SYNPO: variants seen among roughly 807,000 people sequenced by gnomAD.
SYNPO encodes synaptopodin.
SYNPO carries 19 observed loss-of-function variants against 49.5 expected under a neutral mutation model. That is an observed-to-expected ratio of 0.38 (90% confidence interval 0.27 to 0.56). The LOEUF (loss-of-function observed/expected upper bound fraction) is 0.56. SYNPO is among the 20% of genes least tolerant of loss of function. The pLI is 0.68. For synonymous variants in SYNPO, 536 were observed against 548.0 expected, an observed-to-expected ratio of 0.98 and a Z score of 0.31; for missense variants, 1,131 against 1,248.3, an observed-to-expected ratio of 0.91 and a Z score of 1.42.
rs374097978 is a variant in SYNPO, at chr5:150,602,873, T to C, written c.-266+1685T>C. ...TCATTTTAAATGTTCCTAAGAGCGT[T>C]GGTTTTGACTGTCTAGGGCCTGAAG... On this transcript the variant is annotated intron_variant, in intron 1 of 2. Transcript: ENST00000394243. Among the ~76,000 whole-genome samples, 174 of 152,190 alleles carry C rather than the reference T, an allele frequency of 1.1e-3. 3 individuals are homozygous for C. In the East Asian group the frequency reaches 0.015, roughly 13 times the overall value.
chr5:150,609,099 C>T (rs1213556804), intron 1 of SYNPO, among the ~76,000 whole-genome samples: 1 of 152,194 alleles, frequency 6.6e-6, no homozygotes, highest in Admixed American at 6.5e-5. Context: ...TAGCACCTGC[C>T]AGTTTCTGTG....
upstream of SYNPO, chr5:150,640,196 A>G: frequency 1.0e-6 from 1 of 984,312 alleles, no homozygotes; most frequent in Non-Finnish European, 1.2e-6. Context: ...GGTGGTTATT[A>G]AGTGATGCAG....
intron 1 of SYNPO, among the ~76,000 whole-genome samples, chr5:150,601,503 G>A (rs1354062377): frequency 6.6e-6 from 1 of 152,202 alleles, no homozygotes; most frequent in African/African-American, 2.4e-5. Flanking sequence ...GAGGGCTCGG[G>A]GTCATTTGCA....
chr5:150,602,652 G>T (rs570098581), intron 1 of SYNPO, among the ~76,000 whole-genome samples: 3 of 151,842 alleles, frequency 2.0e-5, no homozygotes, highest in African/African-American at 7.3e-5. Context: ...ACAGAGTCTC[G>T]CTCTGTCACC....
chr5:150,626,046 C>G (rs1485544184), intron 2 of SYNPO, among the ~76,000 whole-genome samples: 1 of 152,194 alleles, frequency 6.6e-6, no homozygotes, highest in Admixed American at 6.5e-5. Flanking sequence ...GGGTGCCCTA[C>G]CCCCTGTCCA....
At chr5:150,598,407 C>T (rs980828100), upstream of SYNPO, among the ~76,000 whole-genome samples, 6 of 152,158 alleles carry the variant, frequency 3.9e-5, no homozygotes, top group African/African-American at 1.4e-4. Flanking sequence ...AGGTTATACT[C>T]GTAGGACACA....
In SYNPO at chr5:150,656,835, C is replaced by T. The variant is rs200223915; in HGVS notation, c.2460C>T (p.Phe820=). 1.8e-3 allele frequency: 2,712 copies of T among 1,537,544 alleles called. 74 individuals are homozygous for T. In the Admixed American group the frequency reaches 0.041, roughly 23 times the overall value. Residue 820 remains phenylalanine (F), a synonymous_variant, in exon 3 of 3, where the codon TTC becomes TTT. Coordinates refer to ENST00000307662, the MANE Select transcript of SYNPO (RefSeq NM_007286.6). ...PGSAAVPGAA[F]APIPRSPLPA... is the part of the protein sequence containing the mutation. ...CGGCTGCTGTGCCGGGGGCAGCCTT[C>T]GCGCCCATCCCGCGGAGCCCGTTGC...
rs1222465056 is a variant in SYNPO, at chr5:150,625,765, G to A, written c.400+6998G>A. ...CCCCCCATTACCCCAAGTTATGGGC[G>A]TATTCCGGAAGGTGCCAGGGAACTC... On this transcript the variant is annotated intron_variant, in intron 2 of 2. Coordinates refer to the SYNPO transcript ENST00000394243. Among the ~76,000 whole-genome samples the A allele has an allele frequency of 2.6e-5, 4 of 152,076 alleles. No homozygotes were observed. In the East Asian group the frequency reaches 5.8e-4, roughly 22 times the overall value.
At chr5:150,607,094 G>C (rs1355661304) in intron 1 of SYNPO, among the ~76,000 whole-genome samples, 1 of 152,108 alleles carries the variant, frequency 6.6e-6, no homozygotes, top group East Asian at 1.9e-4. Context: ...AGTCCTTACT[G>C]AGAGTCCTTG....
chr5:150,656,683 G>A lies in SYNPO; in HGVS notation c.2308G>A (p.Ala770Thr), dbSNP rs773092456. ...CATCAATGCGGCCCGGCGCAAGAGCGCCTCCCCGCGGTCGGCGGGCGCCGA... is the reference window on the plus strand; with the variant it reads ...CATCAATGCGGCCCGGCGCAAGAGCACCTCCCCGCGGTCGGCGGGCGCCGA... ...NIINAARRKS[A>T]SPRSAGAENP... Residue 770 changes from alanine to threonine, a missense_variant, in exon 3 of 3, where the codon GCC becomes ACC. Ala to Thr is a moderately conservative substitution (Grantham distance 58). Around this residue, in one of 4 missense-constraint regions of SYNPO, gnomAD observed 509 missense variants for 484.5 expected, o/e 1.05. Coordinates refer to ENST00000307662, the MANE Select transcript of SYNPO (RefSeq NM_007286.6). The A allele has an allele frequency of 6.8e-7, 1 of 1,463,082 alleles. No individual in the cohort carries two copies. The highest frequency in any genetic ancestry group is 2.4e-5 in the Admixed American group (1 of 41,282). 90.6% of individuals were successfully genotyped at this position (1,463,082 alleles called of 1,614,324 possible).
intron 2 of SYNPO, among the ~76,000 whole-genome samples, chr5:150,629,855 C>T (rs1260180641): frequency 1.3e-5 from 2 of 152,074 alleles, no homozygotes; most frequent in Admixed American, 6.6e-5. Flanking sequence ...CTTCCAAGGT[C>T]GCACACCTGG....
intron 2 of SYNPO, among the ~76,000 whole-genome samples, chr5:150,620,439 T>A (rs1757116935): frequency 6.6e-6 from 1 of 152,206 alleles, no homozygotes; most frequent in Non-Finnish European, 1.5e-5. Flanking sequence ...TTATTTTCAT[T>A]ATACAGATGA....
intron 2 of SYNPO, among the ~76,000 whole-genome samples, chr5:150,620,925 C>CT (rs765295756): frequency 7.5e-6 from 1 of 134,178 alleles, no homozygotes; most frequent in African/African-American, 2.9e-5. Flanking sequence ...TTCTTTCTTT[C>CT]TTTCTTTCTT....
At position 150,648,959 on chromosome 5, in the gene SYNPO, A is replaced by C. The variant is rs770214582; in HGVS notation, c.684A>C (p.Thr228=). ...PTKVYSEVHF[T]LAKPPSVVNR... ...AGGTCTACAGTGAGGTCCACTTCAC[A>C]CTGGCCAAGCCCCCATCAGTGGTCA... The change falls in exon 2 of 3, where the codon ACA becomes ACC. Residue 228 remains threonine (T), a synonymous_variant. Transcript: ENST00000307662. The surrounding 1 kb of genome is among the most constrained non-coding windows in gnomAD (Gnocchi z 5.0). 1 of 1,614,214 alleles carries C rather than the reference A, an allele frequency of 6.2e-7. No homozygotes were observed. The highest frequency in any genetic ancestry group is 1.1e-5 in the South Asian group (1 of 91,088).
intron 1 of SYNPO, among the ~76,000 whole-genome samples, chr5:150,603,770 C>T (rs1756615154): frequency 6.6e-6 from 1 of 152,218 alleles, no homozygotes; most frequent in South Asian, 2.1e-4. Flanking sequence ...CTGACCCTGA[C>T]ATGCAGTGTG....
chr5:150,611,408 C>T (rs1254407028), intron 1 of SYNPO, among the ~76,000 whole-genome samples: 2 of 152,232 alleles, frequency 1.3e-5, no homozygotes, highest in Non-Finnish European at 2.9e-5. Flanking sequence ...TGCAGGGACT[C>T]ATCTGAAGTT....
At position 150,650,138 on chromosome 5, in the gene SYNPO, G is replaced by T. The variant is rs61741920; in HGVS notation, c.1863G>T (p.Pro621=). 6.2e-7 allele frequency: 1 copy of T among 1,612,570 alleles called. No homozygotes were observed. Among genetic ancestry groups the T allele is most frequent in the African/African-American group, 1.3e-5 (1 of 74,586 alleles). ...TGCCTCGGCCCTCGCGCTCCTCACC[G>T]GGCCTCTACACCTCCCCCGGCCAGG... ...PALPRPSRSS[P]GLYTSPGQDS... Residue 621 remains proline (P), a synonymous_variant, in exon 2 of 3, where the codon CCG becomes CCT. Transcript: ENST00000307662.
intron 2 of SYNPO, chr5:150,652,232 G>A (rs1467660051): frequency 2.0e-6 from 2 of 1,000,534 alleles, no homozygotes; most frequent in African/African-American, 1.7e-5. Context: ...ACCCTTGAGG[G>A]CCACCAATGG....
At chr5:150,623,563 G>C (rs1757248379) in intron 2 of SYNPO, among the ~76,000 whole-genome samples, 1 of 151,932 alleles carries the variant, frequency 6.6e-6, no homozygotes, top group South Asian at 2.1e-4. Flanking sequence ...AAGATGATGA[G>C]AGCAGAGCAG....
Sources: allele counts gnomAD v4.1 joint callset (sites outside exome capture counted in the v4.1 genomes callset), GRCh38; gene constraint gnomAD v4.1.1; regional missense constraint gnomAD v4.1.1; non-coding constraint Gnocchi (gnomAD v3.1); transcripts MANE v1.5; gene names NCBI Gene and HGNC (gene_info 2026-07-23, HGNC 2026-07-21).